AUH: variants seen among roughly 807,000 people sequenced by gnomAD.
AUH encodes the protein AU RNA binding methylglutaconyl-CoA hydratase.
A neutral mutation model predicts 42.3 loss-of-function variants in AUH; 29 were observed. The observed-to-expected ratio is 0.69, with a 90% CI of 0.51 to 0.93. The LOEUF (loss-of-function observed/expected upper bound fraction) is 0.93. Ranked by LOEUF, AUH falls within the 40% of genes least tolerant of loss-of-function variation. AUH has a pLI of 0.00. For missense variants in AUH, 452 were observed against 438.1 expected, an observed-to-expected ratio of 1.03 and a Z score of -0.28; for synonymous variants, 174 against 166.4, an observed-to-expected ratio of 1.05 and a Z score of -0.35.
At chr9:91,267,044 A>T (rs1165553270) in intron 6 of AUH, among the ~76,000 whole-genome samples, 6 of 152,144 alleles carry the variant, frequency 3.9e-5, no homozygotes, top group Admixed American at 1.3e-4. Flanking sequence ...AGGTCTCTTG[A>T]TTATCAGTCC....
chr9:91,289,995 A>G (rs1259663636), intron 6 of AUH, among the ~76,000 whole-genome samples: 1 of 152,146 alleles, frequency 6.6e-6, no homozygotes, highest in East Asian at 1.9e-4. Flanking sequence ...ATTTTTATTA[A>G]TAACGAAAAT....
At chr9:91,301,205 T>C (rs541808800) in intron 4 of AUH, among the ~76,000 whole-genome samples, 1 of 152,230 alleles carries the variant, frequency 6.6e-6, no homozygotes, top group East Asian at 1.9e-4. Context: ...GAGTGGGTGC[T>C]CCCTCCCTGC....
chr9:91,259,931 T>C (rs953046401), intron 6 of AUH, among the ~76,000 whole-genome samples: 42 of 152,286 alleles, frequency 2.8e-4, no homozygotes, highest in African/African-American at 9.1e-4. Context: ...TGTTTCCTAA[T>C]ACACCTAAAG....
chr9:91,266,580 C>T (rs573000146), intron 6 of AUH, among the ~76,000 whole-genome samples: 23 of 152,202 alleles, frequency 1.5e-4, no homozygotes, highest in African/African-American at 5.3e-4. Flanking sequence ...GTAAGGATTA[C>T]ACAATATCTA....
chr9:91,228,929 T>C (rs1485488489), intron 6 of AUH, among the ~76,000 whole-genome samples: 1 of 152,248 alleles, frequency 6.6e-6, no homozygotes, highest in African/African-American at 2.4e-5. Context: ...CAGTTTGTTT[T>C]AATTTCTGTT....
chr9:91,333,884 A>G, intron 3 of AUH, among the ~76,000 whole-genome samples: 1 of 152,210 alleles, frequency 6.6e-6, no homozygotes, highest in East Asian at 1.9e-4. Context: ...TTGGCAATTC[A>G]TAGGCTTTTT....
chr9:91,214,447 A>G, intron 9 of AUH, 22 bp from the exon 10 acceptor site: 1 of 1,562,356 alleles, frequency 6.4e-7, no homozygotes, highest in Non-Finnish European at 8.7e-7. Flanking sequence ...AAAATATTAA[A>G]TATGTCAAAA....
At chr9:91,275,781 A>G (rs1825492249) in intron 6 of AUH, among the ~76,000 whole-genome samples, 1 of 152,212 alleles carries the variant, frequency 6.6e-6, no homozygotes, top group Non-Finnish European at 1.5e-5. Flanking sequence ...AGGTCAAGGA[A>G]TAAATTGATT....
chr9:91,347,487 G>A (rs1831612580), intron 3 of AUH, among the ~76,000 whole-genome samples: 1 of 152,128 alleles, frequency 6.6e-6, no homozygotes, highest in East Asian at 1.9e-4. Flanking sequence ...GGGAGAGGGT[G>A]CTAAAAGTTC....
At chr9:91,246,041 A>G (rs1228436745) in intron 6 of AUH, among the ~76,000 whole-genome samples, 4 of 152,200 alleles carry the variant, frequency 2.6e-5, no homozygotes, top group African/African-American at 4.8e-5. Flanking sequence ...CAGGAAACAG[A>G]TATGAGCAGA....
intron 4 of AUH, among the ~76,000 whole-genome samples, chr9:91,312,812 G>A (rs887816226): frequency 6.6e-6 from 1 of 152,146 alleles, no homozygotes; most frequent in Non-Finnish European, 1.5e-5. Flanking sequence ...CCACTGCCAA[G>A]GCATTTAATT....
intron 6 of AUH, among the ~76,000 whole-genome samples, chr9:91,261,502 G>C (rs1331719114): frequency 6.6e-6 from 1 of 152,134 alleles, no homozygotes; most frequent in Non-Finnish European, 1.5e-5. Flanking sequence ...TCTTTCTCTG[G>C]TAGTTCCTTT....
intron 6 of AUH, among the ~76,000 whole-genome samples, chr9:91,285,630 T>C (rs889574015): frequency 3.3e-5 from 5 of 152,078 alleles, no homozygotes; most frequent in African/African-American, 1.2e-4. Flanking sequence ...GGTGATCAAT[T>C]CCAAGGGAGC....
At chr9:91,314,275 C>T (rs570913565) in intron 4 of AUH, among the ~76,000 whole-genome samples, 2 of 151,988 alleles carry the variant, frequency 1.3e-5, no homozygotes, top group Non-Finnish European at 2.9e-5. Flanking sequence ...GAGGCCAAGG[C>T]GGGAGGATCA....
At chr9:91,295,176 C>T (rs1257951229) in intron 6 of AUH, among the ~76,000 whole-genome samples, 1 of 152,166 alleles carries the variant, frequency 6.6e-6, no homozygotes, top group African/African-American at 2.4e-5. Context: ...TGCCTTCTGT[C>T]ATGACTGTGA....
chr9:91,336,240 C>T (rs1830679046), intron 3 of AUH, among the ~76,000 whole-genome samples: 2 of 152,130 alleles, frequency 1.3e-5, no homozygotes, highest in African/African-American at 4.8e-5. Flanking sequence ...CATACAAACA[C>T]ATACATATTA....
chr9:91,290,618 A>G (rs1826787369), intron 6 of AUH, among the ~76,000 whole-genome samples: 2 of 152,174 alleles, frequency 1.3e-5, no homozygotes, highest in Non-Finnish European at 1.5e-5. Flanking sequence ...AGAGGACTCT[A>G]AAGAACTTAA....
chr9:91,253,815 T>A (rs978636822), intron 6 of AUH, among the ~76,000 whole-genome samples: 3 of 152,268 alleles, frequency 2.0e-5, no homozygotes, highest in African/African-American at 7.2e-5. Context: ...ATGTGGTGGA[T>A]AATCTTTGTA....
chr9:91,296,232 A>G (rs1004819777), intron 5 of AUH, among the ~76,000 whole-genome samples, 155 bp from the exon 6 acceptor site: 3 of 150,898 alleles, frequency 2.0e-5, no homozygotes, highest in Admixed American at 6.6e-5. Context: ...TTGTTATGGA[A>G]ATAAGTAAGC....
Sources: allele counts gnomAD v4.1 joint callset (sites outside exome capture counted in the v4.1 genomes callset), GRCh38; gene constraint gnomAD v4.1.1; transcripts MANE v1.5; gene names NCBI Gene and HGNC (gene_info 2026-07-23, HGNC 2026-07-21).